CCDC178: variants seen among roughly 807,000 people sequenced by gnomAD.
CCDC178 encodes coiled-coil domain containing 178, also known as coiled-coil domain-containing protein 178.
A neutral mutation model predicts 117.4 loss-of-function variants in CCDC178; 126 were observed. The observed-to-expected ratio is 1.07, with a 90% confidence interval of 0.93 to 1.24. The LOEUF (loss-of-function observed/expected upper bound fraction) is 1.24, where lower values mean the gene tolerates loss of function less well. Among genes scored for constraint, CCDC178 ranks in the 50% most tolerant of loss-of-function variants. The pLI, the probability that CCDC178 is intolerant of heterozygous loss-of-function variation, is 0.00. For synonymous variants in CCDC178, 283 were observed against 313.4 expected (o/e 0.90, Z 1.02); for missense variants, 1,030 against 986.9 (o/e 1.04, Z -0.59).
intron 21 of CCDC178, among the ~76,000 whole-genome samples, chr18:33,030,804 T>C (rs1332704735): frequency 1.3e-5 from 2 of 152,142 alleles, no homozygotes; most frequent in Non-Finnish European, 2.9e-5. Context: ...TAGATGTAGA[T>C]ATAGATATGA....
chr18:32,983,020 T>C (rs1426839417), intron 21 of CCDC178, among the ~76,000 whole-genome samples: 2 of 151,832 alleles, frequency 1.3e-5, no homozygotes, highest in African/African-American at 4.8e-5. Context: ...CCAGCTGGCA[T>C]GGGTTGTTGA....
intron 2 of CCDC178, among the ~76,000 whole-genome samples, chr18:33,412,424 A>G (rs141733670): frequency 3.4e-3 from 524 of 152,166 alleles, no homozygotes; most frequent in Middle Eastern, 6.8e-3. Context: ...GGGGGATTCT[A>G]GAACCTACAA....
At chr18:33,254,402 A>T (rs2059654559) in intron 14 of CCDC178, among the ~76,000 whole-genome samples, 1 of 151,868 alleles carries the variant, frequency 6.6e-6, no homozygotes. Flanking sequence ...GCTAAAAGGG[A>T]AGTATGGAAC....
At chr18:33,389,503 T>C in intron 5 of CCDC178, 37 bp downstream of exon 5, 1 of 970,442 alleles carries the variant, frequency 1.0e-6, no homozygotes, top group Non-Finnish European at 1.5e-6. Context: ...AAATATAGTT[T>C]ATATAGTTTA....
At chr18:32,945,920 A>G (rs2054335915) in intron 22 of CCDC178, among the ~76,000 whole-genome samples, 1 of 152,096 alleles carries the variant, frequency 6.6e-6, no homozygotes, top group African/African-American at 2.4e-5. Context: ...TGTTTGCTTT[A>G]ATTTTTTTTT....
chr18:33,033,967 A>G (rs370960391), intron 21 of CCDC178, among the ~76,000 whole-genome samples: 36 of 152,094 alleles, frequency 2.4e-4, no homozygotes, highest in Middle Eastern at 3.4e-3. Flanking sequence ...ATAAACATGT[A>G]TACAAAGACT....
chr18:33,244,661 A>C (rs1482372295), intron 15 of CCDC178, among the ~76,000 whole-genome samples: 1 of 151,858 alleles, frequency 6.6e-6, no homozygotes. Flanking sequence ...TTTCTTTATA[A>C]ATTACTAAGT....
At chr18:33,137,494 A>G (rs2058143820) in intron 20 of CCDC178, among the ~76,000 whole-genome samples, 1 of 152,224 alleles carries the variant, frequency 6.6e-6, no homozygotes, top group African/African-American at 2.4e-5. Context: ...AAGAGAACCT[A>G]GTCTGAGCTG....
At chr18:33,207,431 A>C (rs375561062) in intron 20 of CCDC178, among the ~76,000 whole-genome samples, 21 of 151,936 alleles carry the variant, frequency 1.4e-4, no homozygotes, top group African/African-American at 4.8e-4. Context: ...TGATCAAGAG[A>C]AAAATCTACA....
chr18:33,231,774 A>G (rs915839803), intron 15 of CCDC178, among the ~76,000 whole-genome samples: 5 of 152,092 alleles, frequency 3.3e-5, no homozygotes, highest in Non-Finnish European at 7.4e-5. Flanking sequence ...CACCTCCATC[A>G]AGTCTCTCCA....
chr18:33,429,671 G>A (rs1416125131), intron 2 of CCDC178, among the ~76,000 whole-genome samples: 1 of 152,088 alleles, frequency 6.6e-6, no homozygotes, highest in African/African-American at 2.4e-5. Flanking sequence ...TTAATTCAGG[G>A]AAACTTTCCT....
chr18:33,073,704 A>G lies in CCDC178; in HGVS notation c.2388+19057T>C, dbSNP rs562430080. 2.8e-4 allele frequency among the ~76,000 whole-genome samples: 42 copies of G among 152,282 alleles called. No homozygotes were observed. In the South Asian group the frequency reaches 3.5e-3, roughly 13 times the overall value. On this transcript the variant is annotated intron_variant, in intron 21 of 22. Coordinates refer to ENST00000383096, the MANE Select transcript of CCDC178 (RefSeq NM_001105528.4). Reference sequence around the variant, plus strand: ...AAAAATATTTGCCGGGCACTTCTCTAGGTGCTAGAATAATGGCTGTGAATT... The same window carrying G: ...AAAAATATTTGCCGGGCACTTCTCTGGGTGCTAGAATAATGGCTGTGAATT...
chr18:33,153,466 T>A (rs946037832), intron 20 of CCDC178, among the ~76,000 whole-genome samples: 10 of 152,088 alleles, frequency 6.6e-5, no homozygotes, highest in African/African-American at 2.4e-4. Flanking sequence ...GTCTCTCATA[T>A]CTTATATCTA....
chr18:33,411,635 T>C (rs2061360), intron 3 of CCDC178, among the ~76,000 whole-genome samples: 95,721 of 151,844 alleles, frequency 0.63, 30,835 homozygotes, highest in South Asian at 0.81. Flanking sequence ...TTAGCTTCAG[T>C]GATGTGATAG....
Position 33,323,557 on chromosome 18 carries a change from G to T in CCDC178, c.956C>A (p.Ala319Asp). 6.3e-7 allele frequency: 1 copy of T among 1,575,156 alleles called. No homozygotes were observed. Among genetic ancestry groups the T allele is most frequent in the South Asian group, 1.2e-5 (1 of 84,546 alleles). The change falls in exon 11 of 23, where the codon GCT becomes GAT. Residue 319 changes from alanine (A) to aspartate (D), a missense_variant. Coordinates refer to ENST00000383096, the MANE Select transcript of CCDC178 (RefSeq NM_001105528.4). ...ATCAATCTCTTCTTTAATTTGCTGA[G>T]CCTTCAATCTGGCATTTTCACAGGC... Reference protein sequence around the residue: ...LEACENARLKAQQIKEEIDKD... With the variant: ...LEACENARLKDQQIKEEIDKD...
chr18:33,132,763 T>A (rs271579), intron 20 of CCDC178, among the ~76,000 whole-genome samples: 24,389 of 151,624 alleles, frequency 0.16, 2,740 homozygotes, highest in African/African-American at 0.32. Flanking sequence ...CACAAATAAA[T>A]CTACAAATAG....
At chr18:32,970,002 AC>A (rs1229915052) in intron 22 of CCDC178, among the ~76,000 whole-genome samples, 1 of 152,116 alleles carries the variant, frequency 6.6e-6, no homozygotes, top group Non-Finnish European at 1.5e-5. Flanking sequence ...AATATGCCAT[AC>A]ACTGTCAGAG....
intron 21 of CCDC178, among the ~76,000 whole-genome samples, chr18:33,002,992 C>A (rs2055671412): frequency 6.6e-6 from 1 of 152,092 alleles, no homozygotes; most frequent in South Asian, 2.1e-4. Context: ...AAGCCACAAT[C>A]TGAACAGACC....
chr18:33,288,934 T>G (rs1484882055), intron 12 of CCDC178, among the ~76,000 whole-genome samples: 1 of 152,126 alleles, frequency 6.6e-6, no homozygotes, highest in Non-Finnish European at 1.5e-5. Flanking sequence ...AGAGGGAAAG[T>G]GGGAGCAAGA....
Sources: allele counts gnomAD v4.1 joint callset (sites outside exome capture counted in the v4.1 genomes callset), GRCh38; gene constraint gnomAD v4.1.1; transcripts MANE v1.5; gene names NCBI Gene and HGNC (gene_info 2026-07-23, HGNC 2026-07-21).